LZTS1: variants seen among roughly 807,000 people sequenced by gnomAD.
LZTS1 encodes leucine zipper tumor suppressor 1.
LZTS1 carries 31 observed loss-of-function variants against 45.8 expected under a neutral mutation model. The observed-to-expected ratio is 0.68, with a 90% CI of 0.51 to 0.91. The LOEUF (loss-of-function observed/expected upper bound fraction) is 0.91. Ranked by LOEUF, LZTS1 falls within the 40% of genes least tolerant of loss-of-function variation. LZTS1 has a pLI of 0.00. For missense variants in LZTS1, 821 were observed against 788.9 expected, an observed-to-expected ratio of 1.04 and a Z score of -0.49; for synonymous variants, 359 against 357.3, an observed-to-expected ratio of 1.00 and a Z score of -0.05.
At position 20,253,585 on chromosome 8, in the gene LZTS1, C is replaced by T. The variant is rs1384534317; in HGVS notation, c.346G>A (p.Gly116Ser). Residue 116 changes from glycine to serine, a missense_variant and splice_region_variant, in exon 3 of 4, where the codon GGC becomes AGC. Gly to Ser is a moderately conservative substitution (Grantham distance 56). Transcript: ENST00000381569. The part of the protein sequence containing the change: ...LMPFSNQLEM[G>S]SEKGAVRPTA... ...GGCCTCACTGCACCCTTCTCGGAGC[C>T]CTGTAGAGGAAAAGGACCGCGGTGA... The T allele has an allele frequency of 4.8e-6, 7 of 1,447,442 alleles. No homozygotes were observed. Among genetic ancestry groups the T allele is most frequent in the Non-Finnish European group, 6.3e-6 (7 of 1,102,592 alleles). 89.7% of individuals were successfully genotyped at this position (1,447,442 alleles called of 1,614,324 possible).
Position 20,261,519 on chromosome 8 carries a change from A to G in LZTS1, c.-134-6204T>C, listed in dbSNP as rs114212264. Among the ~76,000 whole-genome samples, 774 of 152,328 alleles carry G rather than the reference A, an allele frequency of 5.1e-3. 6 individuals carry two copies. The highest frequency in any genetic ancestry group is 0.016 in the African/African-American group (675 of 41,568). ...TTTTGAGCGGCTTCTACTCAAAAGT[A>G]GTGGGAGCACCTGAGCTGCCCCATC... On this transcript the variant is annotated intron_variant, in intron 1 of 3. Transcript: ENST00000381569.
intron 1 of LZTS1, among the ~76,000 whole-genome samples, chr8:20,271,987 G>A (rs1362056044): frequency 6.6e-6 from 1 of 152,228 alleles, no homozygotes; most frequent in East Asian, 1.9e-4. Flanking sequence ...GCCACTGGAG[G>A]GGTGAGCTGC....
chr8:20,259,237 A>G (rs1318579366), intron 1 of LZTS1, among the ~76,000 whole-genome samples: 1 of 152,158 alleles, frequency 6.6e-6, no homozygotes, highest in African/African-American at 2.4e-5. Flanking sequence ...CAAACTGAAA[A>G]TATTAATATT....
In LZTS1 at chr8:20,249,419, A is replaced by C; in HGVS notation, c.*303T>G. The C allele has an allele frequency of 3.1e-6, 1 of 321,194 alleles. No individual in the cohort carries two copies. Among genetic ancestry groups the C allele is most frequent in the East Asian group, 5.8e-5 (1 of 17,278 alleles). 19.9% of individuals were successfully genotyped at this position (321,194 alleles called of 1,614,324 possible). A position where few individuals can be genotyped will look rare whatever the true frequency, so the allele number is the denominator to read the frequency against. On this transcript the variant is annotated 3_prime_UTR_variant, in exon 4 of 4. Coordinates refer to ENST00000381569, the MANE Select transcript of LZTS1 (RefSeq NM_021020.5). Reference sequence around the variant, plus strand: ...CTTCCCTGGAGGAGGGGGAGAGGATATCTATTTCGAACAAAGGCCAAAGTT... The same window carrying C: ...CTTCCCTGGAGGAGGGGGAGAGGATCTCTATTTCGAACAAAGGCCAAAGTT...
At chr8:20,291,396 C>T (rs180710552) in intron 1 of LZTS1, among the ~76,000 whole-genome samples, 53 of 152,304 alleles carry the variant, frequency 3.5e-4, no homozygotes, top group African/African-American at 1.3e-3. Context: ...GGTTTCCTCC[C>T]TTTGGAACTG....
chr8:20,262,535 A>T (rs1004439225), intron 1 of LZTS1, among the ~76,000 whole-genome samples: 1 of 152,142 alleles, frequency 6.6e-6, no homozygotes, highest in Admixed American at 6.5e-5. Flanking sequence ...TTCTGAGAAG[A>T]TGACATTCGA....
At chr8:20,267,160 G>A (rs1800376554) in intron 1 of LZTS1, among the ~76,000 whole-genome samples, 1 of 151,414 alleles carries the variant, frequency 6.6e-6, no homozygotes, top group South Asian at 2.1e-4. Context: ...TCTCTTATCC[G>A]CCTCACCTCT....
chr8:20,283,375 C>T (rs1800731443), intron 1 of LZTS1, among the ~76,000 whole-genome samples: 1 of 152,140 alleles, frequency 6.6e-6, no homozygotes, highest in Non-Finnish European at 1.5e-5. Context: ...AGCAAGAAGG[C>T]ACCTGCTATG....
rs1380794631 is a variant in LZTS1 at position 20,253,033 on chromosome 8, G to A, written c.898C>T (p.Arg300Trp). 10 of 1,602,516 alleles carry A rather than the reference G, an allele frequency of 6.2e-6. No homozygotes were observed. The highest frequency in any genetic ancestry group is 4.4e-5 in the South Asian group (4 of 90,854). ...ASSLAYEERP[R>W]RCRDELEGPE... ...CCCTCCAGCTCGTCCCTGCAGCGCC[G>A]CGGCCGCTCCTCGTAGGCCAGGCTG... Residue 300 changes from arginine (R) to tryptophan (W), a missense_variant, in exon 3 of 4, where the codon CGG becomes TGG. Arg to Trp is a moderately radical substitution (Grantham distance 101). Transcript: ENST00000381569.
chr8:20,303,808 C>T lies in LZTS1; in HGVS notation c.-203G>A. The T allele has an allele frequency of 9.1e-6, 9 of 984,554 alleles. No individual in the cohort carries two copies. The highest frequency in any genetic ancestry group is 1.1e-5 in the Non-Finnish European group (9 of 829,712). 61.0% of individuals were successfully genotyped at this position (984,554 alleles called of 1,614,324 possible). A position where few individuals can be genotyped will look rare whatever the true frequency, so the allele number is the denominator to read the frequency against. ...CCAGTGTTTCCCGGTGTGTTCCCGT[C>T]TCTCTTTTTCCAGAGCTGCTGAGCG... is the stretch of plus-strand genomic sequence containing the variant. On this transcript the variant is annotated 5_prime_UTR_variant, in exon 1 of 4. Coordinates refer to ENST00000381569, the MANE Select transcript of LZTS1 (RefSeq NM_021020.5).
chr8:20,276,243 T>A (rs1201011828), intron 1 of LZTS1, among the ~76,000 whole-genome samples: 2 of 51,706 alleles, frequency 3.9e-5, no homozygotes, highest in African/African-American at 1.0e-4. Flanking sequence ...GTCTCCAGAG[T>A]GATTTTTTTT....
intron 1 of LZTS1, among the ~76,000 whole-genome samples, chr8:20,272,983 G>C (rs115792714): frequency 0.022 from 3,355 of 152,220 alleles, 111 homozygotes; most frequent in African/African-American, 0.077. Flanking sequence ...CAAGCTTCTC[G>C]AGAGAGACAG....
chr8:20,256,587 C>G (rs1373434981), intron 1 of LZTS1, among the ~76,000 whole-genome samples: 1 of 152,048 alleles, frequency 6.6e-6, no homozygotes, highest in Non-Finnish European at 1.5e-5. Context: ...GAGTTCAAGA[C>G]CAGCCTGGGC....
chr8:20,261,347 C>G (rs773737384), intron 1 of LZTS1, among the ~76,000 whole-genome samples: 120 of 152,304 alleles, frequency 7.9e-4, no homozygotes, highest in Admixed American at 1.6e-3. Context: ...ACCATCCAGC[C>G]TACCCTTCTC....
intron 1 of LZTS1, among the ~76,000 whole-genome samples, chr8:20,272,499 T>G (rs1369259466): frequency 6.6e-6 from 1 of 152,138 alleles, no homozygotes; most frequent in Non-Finnish European, 1.5e-5. Flanking sequence ...AACTCTTTTT[T>G]GAGCCCAGAT....
intron 1 of LZTS1, among the ~76,000 whole-genome samples, chr8:20,257,760 C>T (rs1201193979): frequency 6.6e-6 from 1 of 151,142 alleles, no homozygotes; most frequent in Non-Finnish European, 1.5e-5. Flanking sequence ...ACCTCCACCT[C>T]GCGGGTTCAA....
At chr8:20,267,976 G>C (rs117132620) in intron 1 of LZTS1, among the ~76,000 whole-genome samples, 2 of 152,120 alleles carry the variant, frequency 1.3e-5, no homozygotes, top group African/African-American at 2.4e-5. Flanking sequence ...ACCAAAGCCC[G>C]GCCACTGTCA....
intron 1 of LZTS1, among the ~76,000 whole-genome samples, chr8:20,270,158 G>A (rs916142465): frequency 4.6e-5 from 7 of 152,262 alleles, no homozygotes; most frequent in African/African-American, 1.2e-4. Context: ...AGTGCGCCGC[G>A]AGGCCCACAG....
intron 1 of LZTS1, among the ~76,000 whole-genome samples, chr8:20,268,422 C>A (rs1800405638): frequency 6.6e-6 from 1 of 152,018 alleles, no homozygotes; most frequent in Non-Finnish European, 1.5e-5. Flanking sequence ...TCCCCCCATA[C>A]ATACTCTGCC....
Sources: allele counts gnomAD v4.1 joint callset (sites outside exome capture counted in the v4.1 genomes callset), GRCh38; gene constraint gnomAD v4.1.1; transcripts MANE v1.5; gene names NCBI Gene and HGNC (gene_info 2026-07-23, HGNC 2026-07-21).